The following ADGRB3 variants were observed in gnomAD, a reference collection of about 807,000 sequenced individuals.
The protein encoded by ADGRB3 is brain-specific angiogenesis inhibitor 3.
In ADGRB3, 37 loss-of-function variants were observed where a neutral mutation model predicts 193.4. That is an observed-to-expected ratio of 0.19 (90% CI 0.15 to 0.25). The LOEUF is 0.25. Ranked by LOEUF, ADGRB3 falls within the 10% of genes least tolerant of loss-of-function variation. The pLI is 1.00. For missense variants in ADGRB3, 1,637 were observed against 1,852.9 expected, an observed-to-expected ratio of 0.88 and a Z score of 2.14; for synonymous variants, 690 against 644.2, an observed-to-expected ratio of 1.07 and a Z score of -1.08.
chr6:68,652,458 AAG>A (rs1212665872), intron 3 of ADGRB3, among the ~76,000 whole-genome samples: 1 of 152,106 alleles, frequency 6.6e-6, no homozygotes, highest in African/African-American at 2.4e-5. Flanking sequence ...GTTGGACATC[AAG>A]ACAGGCACCA....
chr6:68,960,479 A>G (rs895426630), intron 8 of ADGRB3, among the ~76,000 whole-genome samples: 2 of 152,146 alleles, frequency 1.3e-5, no homozygotes, highest in African/African-American at 2.4e-5. Context: ...TTGGTGCCCT[A>G]TAATATAGCG....
At chr6:68,748,748 G>T (rs556204901) in intron 3 of ADGRB3, among the ~76,000 whole-genome samples, 1 of 152,282 alleles carries the variant, frequency 6.6e-6, no homozygotes, top group African/African-American at 2.4e-5. Context: ...GGGCCTCTGT[G>T]TGGGGGCTCT....
chr6:69,130,330 A>G (rs1031277098), intron 17 of ADGRB3, among the ~76,000 whole-genome samples: 1 of 151,988 alleles, frequency 6.6e-6, no homozygotes, highest in Non-Finnish European at 1.5e-5. Flanking sequence ...TTGGGATTAT[A>G]TAAGTATTCA....
In ADGRB3 at chr6:69,233,419, A is replaced by G. The variant is rs1358429040; in HGVS notation, c.2607+3A>G. On this transcript the variant is annotated splice_donor_region_variant and intron_variant, in intron 18 of 31. Transcript: ENST00000370598. ...TGGCTCAGCAACCTAGAGAAATAGTAAGTAACAAAGGGAAAACACGGCTTT... is the reference window on the plus strand; with the variant it reads ...TGGCTCAGCAACCTAGAGAAATAGTGAGTAACAAAGGGAAAACACGGCTTT... 6.2e-7 allele frequency: 1 copy of G among 1,613,928 alleles called. No homozygotes were observed. Among genetic ancestry groups the G allele is most frequent in the Admixed American group, 1.7e-5 (1 of 60,014 alleles).
chr6:69,025,879 GGAGGGT>G (rs1370901760), intron 13 of ADGRB3, among the ~76,000 whole-genome samples: 1 of 152,128 alleles, frequency 6.6e-6, no homozygotes, highest in African/African-American at 2.4e-5. Context: ...GAAGCACTGG[GGAGGGT>G]GACATTGTGA....
chr6:68,821,639 C>CTT (rs145345095), intron 3 of ADGRB3, among the ~76,000 whole-genome samples: 1 of 145,930 alleles, frequency 6.9e-6, no homozygotes. Context: ...TAATTTGCCT[C>CTT]TTTTTTTTTT....
chr6:69,279,878 A>G (rs1347296844), intron 20 of ADGRB3, among the ~76,000 whole-genome samples: 6 of 151,972 alleles, frequency 3.9e-5, no homozygotes, highest in Non-Finnish European at 8.8e-5. Flanking sequence ...GGTAGCCAGT[A>G]CTCCTTCTTG....
intron 3 of ADGRB3, among the ~76,000 whole-genome samples, chr6:68,791,672 C>G (rs1767110290): frequency 6.6e-6 from 1 of 152,076 alleles, no homozygotes; most frequent in Non-Finnish European, 1.5e-5. Flanking sequence ...AAAAGTGTGA[C>G]CACATCTTCA....
At chr6:68,849,076 T>G (rs974801709) in intron 3 of ADGRB3, among the ~76,000 whole-genome samples, 3 of 151,984 alleles carry the variant, frequency 2.0e-5, no homozygotes, top group African/African-American at 7.2e-5. Flanking sequence ...ATGGCTGAAA[T>G]GTTTGAGTTG....
rs555769966 is a variant in ADGRB3, at chr6:69,232,307, T to C, written c.2481-983T>C. 18 of 875,936 alleles carry C rather than the reference T, an allele frequency of 2.1e-5. No individual in the cohort carries two copies. In the South Asian group the frequency reaches 4.1e-4, roughly 20 times the overall value. The allele number at this position is 875,936 out of a possible 1,614,324, so 54.3% of individuals were successfully genotyped here. Reference sequence around the variant, plus strand: ...CTTTTTCTCTCTTCCTGTAGTGTAGTTCTGCTGGGGGTGGAAGGGTTCTCC... The same window carrying C: ...CTTTTTCTCTCTTCCTGTAGTGTAGCTCTGCTGGGGGTGGAAGGGTTCTCC... On this transcript the variant is annotated intron_variant, in intron 17 of 31. Coordinates refer to ENST00000370598, the MANE Select transcript of ADGRB3 (RefSeq NM_001704.3).
At chr6:68,929,293 TAGATTTCTC>T (rs1767271815) in intron 3 of ADGRB3, among the ~76,000 whole-genome samples, 1 of 152,188 alleles carries the variant, frequency 6.6e-6, no homozygotes, top group Non-Finnish European at 1.5e-5. Context: ...AACACACATT[TAGATTTCTC>T]AGATTTCTCA....
chr6:69,300,774 C>A (rs1767933879), intron 20 of ADGRB3, among the ~76,000 whole-genome samples: 1 of 151,752 alleles, frequency 6.6e-6, no homozygotes, highest in Non-Finnish European at 1.5e-5. Context: ...AGTGAAAAAT[C>A]TCTACCATGA....
intron 24 of ADGRB3, 27 bp from the exon 25 acceptor site, chr6:69,338,889 T>G: frequency 6.3e-7 from 1 of 1,596,236 alleles, no homozygotes; most frequent in Admixed American, 1.8e-5. Context: ...ATTTTGTTCT[T>G]TTTGTGGGTG....
At chr6:68,985,372 T>C (rs904088588) in intron 10 of ADGRB3, among the ~76,000 whole-genome samples, 3 of 152,302 alleles carry the variant, frequency 2.0e-5, no homozygotes, top group African/African-American at 7.2e-5. Flanking sequence ...AGCGTTGATA[T>C]TTTGATGAAT....
intron 20 of ADGRB3, among the ~76,000 whole-genome samples, chr6:69,282,335 A>G (rs1225550097): frequency 6.6e-6 from 1 of 152,206 alleles, no homozygotes; most frequent in Non-Finnish European, 1.5e-5. Flanking sequence ...ACAGACACCA[A>G]ATAAAAAAAG....
intron 3 of ADGRB3, among the ~76,000 whole-genome samples, chr6:68,890,197 A>G (rs1766033085): frequency 6.6e-6 from 1 of 152,250 alleles, no homozygotes; most frequent in Non-Finnish European, 1.5e-5. Flanking sequence ...TTTGAAAGCC[A>G]TACTTCATCT....
At chr6:69,221,528 G>T (rs867396388) in intron 17 of ADGRB3, among the ~76,000 whole-genome samples, 3 of 151,876 alleles carry the variant, frequency 2.0e-5, no homozygotes, top group Non-Finnish European at 4.4e-5. Context: ...TTCTGTGAAC[G>T]CTTGTCAACT....
intron 1 of ADGRB3, among the ~76,000 whole-genome samples, chr6:68,637,055 A>T (rs1359939753): frequency 1.3e-5 from 2 of 149,758 alleles, no homozygotes; most frequent in African/African-American, 4.9e-5. Context: ...TTATTTTCTC[A>T]TGAAGAAAAT....
chr6:68,715,235 A>G (rs1177867154), intron 3 of ADGRB3, among the ~76,000 whole-genome samples: 1 of 151,614 alleles, frequency 6.6e-6, no homozygotes, highest in Non-Finnish European at 1.5e-5. Context: ...GAGGAGTATA[A>G]TAGTTTCTAT....
Sources: gnomAD v4.1 joint callset for allele counts (sites outside exome capture counted in the v4.1 genomes callset) on GRCh38, gnomAD v4.1.1 for gene constraint, MANE v1.5 for transcripts, NCBI Gene and HGNC (gene_info 2026-07-23, HGNC 2026-07-21) for gene names.